The following KIF16B variants were observed in gnomAD, a reference collection of about 807,000 sequenced individuals.
The protein encoded by KIF16B is kinesin family member 16B.
A neutral mutation model predicts 156.3 loss-of-function variants in KIF16B; 98 were observed. That is an observed-to-expected ratio of 0.63 (90% CI 0.53 to 0.74). KIF16B has a LOEUF of 0.74. Ranked by LOEUF, KIF16B falls within the 30% of genes least tolerant of loss-of-function variation. The probability of loss-of-function intolerance (pLI) is 0.00; values close to 1 mark genes in which losing one functional copy is unlikely to be tolerated. For missense variants in KIF16B, 1,421 were observed against 1,606.5 expected (o/e 0.88, Z 1.97); for synonymous variants, 564 against 583.7 (o/e 0.97, Z 0.49).
At chr20:16,328,281 G>A (rs2063890977) in intron 24 of KIF16B, among the ~76,000 whole-genome samples, 1 of 152,062 alleles carries the variant, frequency 6.6e-6, no homozygotes, top group Admixed American at 6.6e-5. Context: ...CAGCTTTGTG[G>A]GGAGAAGGGA....
rs549069745 is a variant in KIF16B at position 16,533,362 on chromosome 20, C to T, written c.48-4922G>A. Among the ~76,000 whole-genome samples, 5 of 152,260 alleles carry T rather than the reference C, an allele frequency of 3.3e-5. No homozygotes were observed. The South Asian group carries it at 1.0e-3, about 32-fold the overall frequency. ...CAGAAATGAAGGTTCTCAGTCCCCA[C>T]CTAAAACCTACAGAATAGGAACCTG... On this transcript the variant is annotated intron_variant, in intron 1 of 25. Transcript: ENST00000354981.
At chr20:16,440,529 GCGCGCA>G (rs1233687708) in intron 12 of KIF16B, among the ~76,000 whole-genome samples, 1 of 81,812 alleles carries the variant, frequency 1.2e-5, no homozygotes, top group Non-Finnish European at 2.3e-5. Context: ...ACACACAAGC[GCGCGCA>G]CACACACACA....
chr20:16,289,329 T>C (rs35281214), intron 25 of KIF16B, among the ~76,000 whole-genome samples: 4,861 of 152,314 alleles, frequency 0.032, 80 homozygotes, highest in Middle Eastern at 0.037. Flanking sequence ...ATACTGTCTA[T>C]ATAACTTTGT....
intron 17 of KIF16B, among the ~76,000 whole-genome samples, chr20:16,397,344 C>T (rs989072642): frequency 1.3e-5 from 2 of 152,210 alleles, no homozygotes; most frequent in Non-Finnish European, 2.9e-5. Flanking sequence ...CGCATGTGTG[C>T]GTACAAATCA....
chr20:16,303,472 TA>T (rs1227433549), intron 25 of KIF16B, among the ~76,000 whole-genome samples: 3 of 152,262 alleles, frequency 2.0e-5, no homozygotes, highest in Non-Finnish European at 4.4e-5. Context: ...TCAGAGGGGT[TA>T]AATAACTTGC....
chr20:16,384,632 T>C (rs1188350343), intron 17 of KIF16B, among the ~76,000 whole-genome samples: 3 of 151,782 alleles, frequency 2.0e-5, no homozygotes, highest in East Asian at 3.9e-4. Flanking sequence ...TTGTAGAAAA[T>C]AGATGGGTGG....
intron 11 of KIF16B, 129 bp from the exon 12 acceptor site, chr20:16,494,479 C>G (rs984660846): frequency 5.2e-6 from 3 of 573,002 alleles, no homozygotes; most frequent in Non-Finnish European, 6.1e-6. Context: ...GACTTTTACC[C>G]CTGAAAGAAC....
intron 12 of KIF16B, among the ~76,000 whole-genome samples, chr20:16,471,214 T>C (rs1284138909): frequency 6.6e-6 from 1 of 152,160 alleles, no homozygotes; most frequent in South Asian, 2.1e-4. Context: ...CAAAAGCCAA[T>C]TTTTCATTGA....
chr20:16,336,812 TGC>T (rs1184126469), intron 23 of KIF16B, among the ~76,000 whole-genome samples: 7 of 152,192 alleles, frequency 4.6e-5, no homozygotes, highest in Non-Finnish European at 1.0e-4. Context: ...TTCAAGCAAG[TGC>T]TAAGTCTTGC....
chr20:16,349,587 C>G (rs1452117041), intron 23 of KIF16B, among the ~76,000 whole-genome samples: 1 of 152,206 alleles, frequency 6.6e-6, no homozygotes, highest in Non-Finnish European at 1.5e-5. Flanking sequence ...GTTTTAAATA[C>G]TGACAATTCA....
intron 1 of KIF16B, among the ~76,000 whole-genome samples, chr20:16,534,425 CT>C (rs1255102344): frequency 1.3e-5 from 2 of 152,120 alleles, no homozygotes; most frequent in Non-Finnish European, 2.9e-5. Flanking sequence ...TATGAGTCCC[CT>C]ATCAAATGAG....
At chr20:16,333,533 T>C (rs191249648) in intron 24 of KIF16B, among the ~76,000 whole-genome samples, 18 of 152,356 alleles carry the variant, frequency 1.2e-4, no homozygotes, top group African/African-American at 3.8e-4. Context: ...ATTTTCTTCA[T>C]TTGAAGGTTT....
At chr20:16,501,838 C>T (rs182306320) in intron 10 of KIF16B, among the ~76,000 whole-genome samples, 11 of 152,160 alleles carry the variant, frequency 7.2e-5, no homozygotes, top group Admixed American at 5.2e-4. Flanking sequence ...AGGAGAGTGG[C>T]TACCCTGGAG....
intron 1 of KIF16B, among the ~76,000 whole-genome samples, chr20:16,532,970 G>A (rs905052487): frequency 1.3e-5 from 2 of 152,126 alleles, no homozygotes; most frequent in Non-Finnish European, 2.9e-5. Flanking sequence ...TAACCTGCAG[G>A]TAACCAGGGC....
chr20:16,562,800 C>T (rs183392029), intron 1 of KIF16B, among the ~76,000 whole-genome samples: 3 of 152,274 alleles, frequency 2.0e-5, no homozygotes, highest in Non-Finnish European at 4.4e-5. Flanking sequence ...GGTAATAAAG[C>T]CTTCTCTGAA....
intron 3 of KIF16B, among the ~76,000 whole-genome samples, chr20:16,518,238 G>C (rs1440720689): frequency 6.6e-6 from 1 of 152,158 alleles, no homozygotes; most frequent in Non-Finnish European, 1.5e-5. Flanking sequence ...CAGAGGTCTT[G>C]GCAAGGAAAT....
chr20:16,326,281 A>C (rs193069332), intron 24 of KIF16B, among the ~76,000 whole-genome samples: 1,689 of 151,928 alleles, frequency 0.011, 25 homozygotes, highest in African/African-American at 0.034. Flanking sequence ...AATGCAACAA[A>C]AAAAAAAAGA....
intron 25 of KIF16B, among the ~76,000 whole-genome samples, chr20:16,298,116 C>A (rs2063418407): frequency 6.6e-6 from 1 of 152,228 alleles, no homozygotes; most frequent in East Asian, 1.9e-4. Flanking sequence ...CACAGTAGAT[C>A]CAGATTCCTG....
At position 16,379,964 on chromosome 20, in the gene KIF16B, C is replaced by CA. The variant is rs1222486968; in HGVS notation, c.2037dup (p.Glu680Ter). The CA allele has an allele frequency of 1.2e-5, 20 of 1,612,794 alleles. No homozygotes were observed. Among genetic ancestry groups the CA allele is most frequent in the Non-Finnish European group, 1.7e-5 (20 of 1,179,742 alleles). The stretch of plus-strand genomic sequence containing the variant: ...TGCTGTTCCCTCAGCCTCTCCTCTT[C>CA]AAATTTTTCCTTCTCCGCAAGTAAA... On this transcript the variant is annotated frameshift_variant, in exon 19 of 26. Transcript: ENST00000354981. LOFTEE classifies it high-confidence loss of function.
Sources: allele counts gnomAD v4.1 joint callset (sites outside exome capture counted in the v4.1 genomes callset), GRCh38; gene constraint gnomAD v4.1.1; transcripts MANE v1.5; gene names NCBI Gene and HGNC (gene_info 2026-07-23, HGNC 2026-07-21).